The following ARID5B variants were observed in gnomAD, a reference collection of about 807,000 sequenced individuals.
ARID5B encodes the protein AT-rich interactive domain-containing protein 5B.
ARID5B carries 13 observed loss-of-function variants against 97.2 expected under a neutral mutation model. The ratio of observed to expected loss-of-function variants is 0.13; its 90% CI spans 0.09 to 0.21. ARID5B has a LOEUF of 0.21. Ranked by LOEUF, ARID5B falls within the 10% of genes least tolerant of loss-of-function variation. The probability of loss-of-function intolerance (pLI) is 1.00; values close to 1 mark genes in which losing one functional copy is unlikely to be tolerated. For missense variants in ARID5B, 1,210 were observed against 1,465.3 expected (o/e 0.83, Z 2.84); for synonymous variants, 556 against 570.3 (o/e 0.97, Z 0.36).
At chr10:61,983,861 T>G (rs1838810547) in intron 3 of ARID5B, among the ~76,000 whole-genome samples, 1 of 64,118 alleles carries the variant, frequency 1.6e-5, no homozygotes, top group Non-Finnish European at 3.2e-5. Context: ...TAAACCCCCT[T>G]TTGTTCTTTT....
chr10:62,018,496 A>G (rs981323492), intron 4 of ARID5B, among the ~76,000 whole-genome samples: 1 of 151,902 alleles, frequency 6.6e-6, no homozygotes, highest in Admixed American at 6.6e-5. Flanking sequence ...TATCATTATT[A>G]TCTTTACGTT....
intron 3 of ARID5B, among the ~76,000 whole-genome samples, chr10:61,960,802 T>A (rs1838459884): frequency 1.3e-5 from 2 of 152,244 alleles, no homozygotes. Flanking sequence ...GGATGGATGA[T>A]TAGACCTTAA....
intron 3 of ARID5B, among the ~76,000 whole-genome samples, chr10:61,995,137 A>G (rs1030471598): frequency 3.3e-5 from 5 of 152,208 alleles, no homozygotes; most frequent in Admixed American, 2.0e-4. Flanking sequence ...TCCTAGGGGT[A>G]CTTTGATTTC....
intron 2 of ARID5B, among the ~76,000 whole-genome samples, chr10:61,935,971 A>C (rs988741651): frequency 2.0e-5 from 3 of 152,170 alleles, no homozygotes; most frequent in Non-Finnish European, 4.4e-5. Flanking sequence ...TACTATATAT[A>C]CACTTGAAAG....
At chr10:62,053,993 G>A (rs956044208) in intron 5 of ARID5B, among the ~76,000 whole-genome samples, 1 of 152,158 alleles carries the variant, frequency 6.6e-6, no homozygotes, top group South Asian at 2.1e-4. Flanking sequence ...ACATCTTACT[G>A]CCCCAGTTGA....
intron 9 of ARID5B, among the ~76,000 whole-genome samples, chr10:62,089,105 A>G (rs981646370): frequency 2.6e-5 from 4 of 152,286 alleles, no homozygotes; most frequent in Admixed American, 1.3e-4. Context: ...CCCATAAGAA[A>G]CTAACAATTA....
chr10:61,909,762 C>T lies in ARID5B; in HGVS notation c.276+7349C>T, dbSNP rs554018994. ...GTCATTCACATGTGGGCCAGATCCACGACCCCATCTCACACTTCTTCTTTC... is the reference window on the plus strand; with the variant it reads ...GTCATTCACATGTGGGCCAGATCCATGACCCCATCTCACACTTCTTCTTTC... On this transcript the variant is annotated intron_variant, in intron 2 of 9. Coordinates refer to ENST00000279873, the MANE Select transcript of ARID5B (RefSeq NM_032199.3). Among the ~76,000 whole-genome samples, 493 of 152,304 alleles carry T rather than the reference C, an allele frequency of 3.2e-3. 6 individuals carry two copies. Among genetic ancestry groups the T allele is most frequent in the Non-Finnish European group, 5.3e-3 (362 of 68,030 alleles).
chr10:62,080,740 A>G (rs1265798334), intron 8 of ARID5B, among the ~76,000 whole-genome samples: 1 of 152,188 alleles, frequency 6.6e-6, no homozygotes. Context: ...GGGTGAGATC[A>G]GGTCTGAAGT....
At chr10:61,990,327 A>AT (rs1838906843) in intron 3 of ARID5B, among the ~76,000 whole-genome samples, 1 of 152,178 alleles carries the variant, frequency 6.6e-6, no homozygotes, top group South Asian at 2.1e-4. Context: ...AGATTATTTT[A>AT]TTTTTTAAAG....
In ARID5B at chr10:62,081,703, A is replaced by G. The variant is rs537785072; in HGVS notation, c.1200-3999A>G. ...ATTATCTGCCTTAGTGTTTAAAAAA[A>G]TAATAAAAGGGAGAAAGAGTTGGCA... is the stretch of plus-strand genomic sequence containing the variant. On this transcript the variant is annotated intron_variant, in intron 8 of 9. Coordinates refer to ENST00000279873, the MANE Select transcript of ARID5B (RefSeq NM_032199.3). 3.3e-4 allele frequency among the ~76,000 whole-genome samples: 51 copies of G among 152,322 alleles called. No individual in the cohort carries two copies. In the East Asian group the frequency reaches 9.2e-3, roughly 28 times the overall value.
chr10:62,037,649 G>A (rs973606392), intron 4 of ARID5B, among the ~76,000 whole-genome samples: 2 of 152,020 alleles, frequency 1.3e-5, no homozygotes, highest in African/African-American at 4.8e-5. Flanking sequence ...AGCAAAAACC[G>A]CCCCCCTTCT....
intron 3 of ARID5B, among the ~76,000 whole-genome samples, chr10:61,984,539 G>A (rs2132849185): frequency 6.6e-6 from 1 of 152,274 alleles, no homozygotes; most frequent in East Asian, 1.9e-4. Context: ...AGTGGAGCTT[G>A]CTCATGTGGA....
At chr10:61,988,838 C>T (rs1449778544) in intron 3 of ARID5B, among the ~76,000 whole-genome samples, 1 of 151,728 alleles carries the variant, frequency 6.6e-6, no homozygotes, top group Admixed American at 6.6e-5. Flanking sequence ...TTGTCCACTT[C>T]AAGAGATGCT....
At position 62,095,120 on chromosome 10, in the gene ARID5B, T is replaced by G. The variant is rs1032959100; in HGVS notation, c.*2090T>G. ...GTGGAATAATATATATATATATATTTAATAGAACCATAGATAGACTAGTAG... is the reference window on the plus strand; with the variant it reads ...GTGGAATAATATATATATATATATTGAATAGAACCATAGATAGACTAGTAG... On this transcript the variant is annotated 3_prime_UTR_variant, in exon 10 of 10. Transcript: ENST00000279873. The G allele has an allele frequency of 2.2e-5, 5 of 228,848 alleles. No homozygotes were observed. In the Admixed American group the frequency reaches 2.8e-4, roughly 13 times the overall value. The allele number at this position is 228,848 out of a possible 1,614,324, so 14.2% of individuals were successfully genotyped here. A position where few individuals can be genotyped will look rare whatever the true frequency, so the allele number is the denominator to read the frequency against.
At chr10:62,002,282 T>C (rs772180155) in intron 4 of ARID5B, among the ~76,000 whole-genome samples, 2 of 152,222 alleles carry the variant, frequency 1.3e-5, no homozygotes, top group African/African-American at 2.4e-5. Flanking sequence ...TTTTAAATGT[T>C]CTCACAAAAA....
chr10:62,055,657 T>C (rs1241941548), intron 5 of ARID5B, among the ~76,000 whole-genome samples: 1 of 152,226 alleles, frequency 6.6e-6, no homozygotes, highest in Non-Finnish European at 1.5e-5. Context: ...GGGAAAATTG[T>C]TTTAGTCCCA....
chr10:61,984,396 C>G (rs995969994), intron 3 of ARID5B, among the ~76,000 whole-genome samples: 1 of 152,226 alleles, frequency 6.6e-6, no homozygotes, highest in Admixed American at 6.5e-5. Flanking sequence ...AGACATTATC[C>G]TTGCATATCT....
intron 3 of ARID5B, among the ~76,000 whole-genome samples, chr10:61,952,536 C>T (rs919551675): frequency 1.3e-5 from 2 of 152,130 alleles, no homozygotes; most frequent in African/African-American, 4.8e-5. Context: ...AGTAAACATG[C>T]GGCTTTTATG....
intron 4 of ARID5B, among the ~76,000 whole-genome samples, chr10:62,036,381 G>GT (rs1289247865): frequency 1.0e-5 from 1 of 96,004 alleles, no homozygotes; most frequent in Non-Finnish European, 2.2e-5. Flanking sequence ...GGGCTCCTTT[G>GT]TTTTTTCAGC....
Sources: allele counts gnomAD v4.1 joint callset (sites outside exome capture counted in the v4.1 genomes callset), GRCh38; gene constraint gnomAD v4.1.1; transcripts MANE v1.5; gene names NCBI Gene and HGNC (gene_info 2026-07-23, HGNC 2026-07-21).